DENND4C: variants seen among roughly 807,000 people sequenced by gnomAD.
The protein encoded by DENND4C is DENN domain containing 4C.
Under a neutral mutation model 203.0 loss-of-function variants are expected in DENND4C, and 108 were observed. That is an observed-to-expected ratio of 0.53 (90% CI 0.46 to 0.62). DENND4C has a LOEUF of 0.62. DENND4C is among the 20% of genes least tolerant of loss of function. The pLI is 0.00. For missense variants in DENND4C, 2,481 were observed against 2,301.2 expected (o/e 1.08, Z -1.60); for synonymous variants, 871 against 792.4 (o/e 1.10, Z -1.67).
At chr9:19,257,811 GAC>G (rs1828357043) in intron 1 of DENND4C, among the ~76,000 whole-genome samples, 1 of 152,146 alleles carries the variant, frequency 6.6e-6, no homozygotes, top group South Asian at 2.1e-4. Flanking sequence ...TTCCTTGAAA[GAC>G]ACAAACTACA....
intron 17 of DENND4C, among the ~76,000 whole-genome samples, chr9:19,332,510 C>G (rs1255824480): frequency 6.9e-6 from 1 of 144,272 alleles, no homozygotes; most frequent in African/African-American, 2.6e-5. Flanking sequence ...GTTACCATAC[C>G]TGGCTAATTT....
At position 19,328,105 on chromosome 9, in the gene DENND4C, C is replaced by T. The variant is rs746661267; in HGVS notation, c.2196C>T (p.His732=). The change falls in exon 16 of 33, where the codon CAC becomes CAT. Residue 732 remains histidine (H), a synonymous_variant. Transcript: ENST00000434457. ...AGTTGAAACTTTGTTTTAGTAGACA[C>T]CCTACTGGGAATAGCATTACAAAGA... The part of the protein sequence containing the change: ...PQELKLCFSR[H]PTGNSITKSP... 2 of 1,613,568 alleles carry T rather than the reference C, an allele frequency of 1.2e-6. No homozygotes were observed. Among genetic ancestry groups the T allele is most frequent in the Non-Finnish European group, 1.7e-6 (2 of 1,179,788 alleles).
intron 12 of DENND4C, among the ~76,000 whole-genome samples, chr9:19,317,305 C>T (rs1470097349): frequency 1.3e-5 from 2 of 151,746 alleles, no homozygotes; most frequent in East Asian, 3.9e-4. Context: ...CAGGTGTGAG[C>T]CACTGCACTT....
At chr9:19,233,591 C>T (rs573180880) in intron 1 of DENND4C, among the ~76,000 whole-genome samples, 27 of 124,146 alleles carry the variant, frequency 2.2e-4, no homozygotes, top group African/African-American at 7.9e-4. Flanking sequence ...GATGTAGTCT[C>T]GCTTCGTCAC....
intron 16 of DENND4C, among the ~76,000 whole-genome samples, chr9:19,331,649 C>T (rs570768037): frequency 1.1e-4 from 17 of 152,214 alleles, no homozygotes; most frequent in African/African-American, 4.1e-4. Context: ...CACTTTTTCA[C>T]CCATCAAAAA....
chr9:19,356,831 G>T, intron 26 of DENND4C, 141 bp from the exon 27 acceptor site: 2 of 709,994 alleles, frequency 2.8e-6, no homozygotes, highest in Non-Finnish European at 4.6e-6. Flanking sequence ...GAGTGTATTG[G>T]AAATAGGCCG....
Position 19,347,096 on chromosome 9 carries a change from C to G in DENND4C, c.4317+10C>G. On this transcript the variant is annotated intron_variant, in intron 23 of 32. Transcript: ENST00000434457. ...CTACTCAGATGATGAGGTAAGAAAG[C>G]TTTATGTGTGTAGTCTGTCTGCTAT... 1 of 1,607,126 alleles carries G rather than the reference C, an allele frequency of 6.2e-7. No individual in the cohort carries two copies. Among genetic ancestry groups the G allele is most frequent in the Non-Finnish European group, 8.5e-7 (1 of 1,175,050 alleles).
At position 19,276,394 on chromosome 9, in the gene DENND4C, A is replaced by G; in HGVS notation, c.220A>G (p.Asn74Asp). 7 of 1,232,122 alleles carry G rather than the reference A, an allele frequency of 5.7e-6. No individual in the cohort carries two copies. Among genetic ancestry groups the G allele is most frequent in the Non-Finnish European group, 7.1e-6 (7 of 987,936 alleles). The allele number at this position is 1,232,122 out of a possible 1,614,324, so 76.3% of individuals were successfully genotyped here. The change falls in exon 2 of 33, where the codon AAC (asparagine) becomes GAC (aspartate). Residue 74 changes from asparagine to aspartate, a missense_variant. Asn to Asp is a conservative substitution (Grantham distance 23, BLOSUM62 1). Coordinates refer to ENST00000434457, the MANE Select transcript of DENND4C (RefSeq NM_001330640.2). ...AGCCACTCCATCAGCTCTCCAAGCAAACTTGAACTATGGAAGTCTGAAAAG... is the reference window on the plus strand; with the variant it reads ...AGCCACTCCATCAGCTCTCCAAGCAGACTTGAACTATGGAAGTCTGAAAAG... The part of the protein sequence containing the change: ...VEATPSALQA[N>D]LNYGSLKSPE...
At chr9:19,351,043 G>A (rs185254215) in intron 24 of DENND4C, among the ~76,000 whole-genome samples, 164 bp downstream of exon 24, 13 of 152,006 alleles carry the variant, frequency 8.6e-5, no homozygotes, top group Non-Finnish European at 1.5e-4. Context: ...GATTACAAGC[G>A]TGAGCCACAG....
At chr9:19,244,387 T>C (rs1824580626) in intron 1 of DENND4C, among the ~76,000 whole-genome samples, 1 of 152,176 alleles carries the variant, frequency 6.6e-6, no homozygotes. Flanking sequence ...TACTTGAGTA[T>C]ATTTTAGTAT....
chr9:19,263,483 A>G (rs750590877), intron 1 of DENND4C, among the ~76,000 whole-genome samples: 15 of 151,372 alleles, frequency 9.9e-5, no homozygotes, highest in East Asian at 1.9e-4. Context: ...CAGCCTCCCA[A>G]GGAGCTGGGA....
chr9:19,338,707 C>T (rs1821006643), intron 20 of DENND4C, among the ~76,000 whole-genome samples: 1 of 152,132 alleles, frequency 6.6e-6, no homozygotes. Context: ...CACCCAGGTC[C>T]CAGCCTAGTG....
Position 19,371,812 on chromosome 9 carries a change from T to G in DENND4C, c.5732T>G (p.Ile1911Ser). Residue 1911 changes from isoleucine (I) to serine (S), a missense_variant, in exon 32 of 33, where the codon ATT (isoleucine) becomes AGT (serine). Physicochemically the swap from Ile to Ser is moderately radical, Grantham distance 142 (BLOSUM62 -2). Around this residue, in one of 3 missense-constraint regions of DENND4C, gnomAD observed 2,289 missense variants for 2,113.3 expected, o/e 1.08. Transcript: ENST00000434457. ...TTAGTGTCTCTAGGAAGAGAGAATA[T>G]TGATATTGGTAAGTTGGTTAATAAA... Reference protein sequence around the residue: ...LSLVSLGRENIDIEAFDNEYG... With the variant: ...LSLVSLGRENSDIEAFDNEYG... The G allele has an allele frequency of 1.4e-6, 2 of 1,448,530 alleles. No homozygotes were observed. Among genetic ancestry groups the G allele is most frequent in the Non-Finnish European group, 1.9e-6 (2 of 1,044,004 alleles). The allele number at this position is 1,448,530 out of a possible 1,614,324, so 89.7% of individuals were successfully genotyped here.
chr9:19,312,277 A>T (rs888035753), intron 10 of DENND4C, among the ~76,000 whole-genome samples: 1 of 151,832 alleles, frequency 6.6e-6, no homozygotes, highest in African/African-American at 2.4e-5. Context: ...TAATTTTTGT[A>T]TTTTTTGTAG....
At chr9:19,310,391 GC>G (rs1414430354) in intron 10 of DENND4C, among the ~76,000 whole-genome samples, 1 of 152,154 alleles carries the variant, frequency 6.6e-6, no homozygotes, top group Non-Finnish European at 1.5e-5. Flanking sequence ...TTGACATCTG[GC>G]CCAAAGCTTG....
chr9:19,293,436 G>A (rs889921727), intron 5 of DENND4C, among the ~76,000 whole-genome samples: 20 of 148,016 alleles, frequency 1.4e-4, no homozygotes, highest in African/African-American at 4.9e-4. Flanking sequence ...ATTGATTGTT[G>A]GGAGAAGGGG....
rs934720131 is a variant in DENND4C, at chr9:19,350,583, G to A, written c.4318-119G>A. On this transcript the variant is annotated intron_variant, in intron 23 of 32. Transcript: ENST00000434457. ...AGGAGATTTCATGGTTTTGAAAAAT[G>A]TGGGGATGATGATTTGTTTAAGGAT... 27 of 790,732 alleles carry A rather than the reference G, an allele frequency of 3.4e-5. No homozygotes were observed. The East Asian group carries it at 6.8e-4, about 20-fold the overall frequency. The allele number at this position is 790,732 out of a possible 1,614,324, so 49.0% of individuals were successfully genotyped here. A position where few individuals can be genotyped will look rare whatever the true frequency, so the allele number is the denominator to read the frequency against.
At chr9:19,338,387 T>TTACC (rs1820938094) in intron 20 of DENND4C, among the ~76,000 whole-genome samples, 1 of 152,222 alleles carries the variant, frequency 6.6e-6, no homozygotes, top group African/African-American at 2.4e-5. Flanking sequence ...GGCAATTTAC[T>TTACC]CCTTTAATGG....
At chr9:19,291,736 A>G (rs931780563) in intron 5 of DENND4C, among the ~76,000 whole-genome samples, 1 of 151,980 alleles carries the variant, frequency 6.6e-6, no homozygotes, top group African/African-American at 2.4e-5. Flanking sequence ...CAGAGATAAG[A>G]CATACATGAA....
Sources: gnomAD v4.1 joint callset for allele counts (sites outside exome capture counted in the v4.1 genomes callset) on GRCh38, gnomAD v4.1.1 for gene constraint, gnomAD v4.1.1 regional missense constraint, MANE v1.5 for transcripts, NCBI Gene and HGNC (gene_info 2026-07-23, HGNC 2026-07-21) for gene names.